PALS1: variants seen among roughly 807,000 people sequenced by gnomAD.
PALS1 encodes protein associated with LIN7 1, MAGUK p55 family member.
In PALS1, 31 loss-of-function variants were observed where a neutral mutation model predicts 78.9. The ratio of observed to expected loss-of-function variants is 0.39; its 90% CI spans 0.30 to 0.53. The LOEUF is 0.53. Ranked by LOEUF, PALS1 falls within the 20% of genes least tolerant of loss-of-function variation. The pLI, the probability that PALS1 is intolerant of heterozygous loss-of-function variation, is 0.67. For missense variants in PALS1, 704 were observed against 826.5 expected, an observed-to-expected ratio of 0.85 and a Z score of 1.82; for synonymous variants, 276 against 270.9, an observed-to-expected ratio of 1.02 and a Z score of -0.18.
In PALS1 at chr14:67,266,417, C is replaced by G. The variant is rs370471402; in HGVS notation, c.-236-3284C>G. 3.2e-4 allele frequency among the ~76,000 whole-genome samples: 49 copies of G among 152,258 alleles called. 1 individual carries two copies. The highest frequency in any genetic ancestry group is 1.8e-3 in the Admixed American group (27 of 15,294). ...CTCAGCTCACTGCAGCCTCTGCCTC[C>G]TGGGTTCAAGGAATTCTCATGCCTC... On this transcript the variant is annotated intron_variant, in intron 1 of 14. Coordinates refer to ENST00000261681, the MANE Select transcript of PALS1 (RefSeq NM_022474.4).
chr14:67,301,886 C>A, intron 5 of PALS1, 86 bp from the exon 6 acceptor site: 2 of 1,363,732 alleles, frequency 1.5e-6, no homozygotes, highest in South Asian at 1.7e-5. Flanking sequence ...ATTTAATGGT[C>A]AGAATACTAT....
intron 1 of PALS1, among the ~76,000 whole-genome samples, chr14:67,258,636 G>T (rs775980176): frequency 8.5e-5 from 13 of 152,068 alleles, no homozygotes; most frequent in African/African-American, 2.9e-4. Flanking sequence ...TGCCCAGGCC[G>T]GTCTTGAACT....
In PALS1 at chr14:67,302,102, C is replaced by T. The variant is rs1339261703; in HGVS notation, c.785C>T (p.Ala262Val). 2.5e-6 allele frequency: 4 copies of T among 1,602,770 alleles called. No individual in the cohort carries two copies. The Admixed American group carries it at 5.2e-5, about 21-fold the overall frequency. Reference protein sequence around the residue: ...ETVKIVRIEKARDIPLGATVR... With the variant: ...ETVKIVRIEKVRDIPLGATVR... ...GTAAAAATAGTTCGTATAGAAAAGG[C>T]TCGTGATATTCCGTTGGTAAGTGTC... is the stretch of plus-strand genomic sequence containing the variant. The change falls in exon 6 of 15, where the codon GCT becomes GTT. Residue 262 changes from alanine to valine, a missense_variant. Ala to Val is a moderately conservative substitution (Grantham distance 64). Transcript: ENST00000261681.
At chr14:67,300,940 C>T (rs2084924281) in intron 4 of PALS1, among the ~76,000 whole-genome samples, 1 of 152,016 alleles carries the variant, frequency 6.6e-6, no homozygotes, top group African/African-American at 2.4e-5. Context: ...AATCCGCTTG[C>T]CTCAGCCTCT....
intron 1 of PALS1, among the ~76,000 whole-genome samples, chr14:67,260,455 G>A (rs1274498073): frequency 6.6e-6 from 1 of 152,186 alleles, no homozygotes; most frequent in Non-Finnish European, 1.5e-5. Context: ...TCAAATATGA[G>A]TTAACAAACT....
In PALS1 at chr14:67,292,519, G is replaced by T; in HGVS notation, c.376G>T (p.Asp126Tyr). ...TTTTCTTCTTCTACTAGAAATAGAA[G>T]ACTTGTTTTCTTCACTTAAACATAT... ...HYAVKILEIE[D>Y]LFSSLKHIQH... The change falls in exon 4 of 15, where the codon GAC (aspartate) becomes TAC (tyrosine). Residue 126 changes from aspartate (D) to tyrosine (Y), a missense_variant. By Grantham distance (160) the Asp-to-Tyr change is radical. Coordinates refer to ENST00000261681, the MANE Select transcript of PALS1 (RefSeq NM_022474.4). The T allele has an allele frequency of 6.2e-7, 1 of 1,606,784 alleles. No individual in the cohort carries two copies. The highest frequency in any genetic ancestry group is 8.5e-7 in the Non-Finnish European group (1 of 1,174,118).
At chr14:67,262,537 C>T (rs1296486529) in intron 1 of PALS1, among the ~76,000 whole-genome samples, 1 of 152,062 alleles carries the variant, frequency 6.6e-6, no homozygotes, top group Non-Finnish European at 1.5e-5. Flanking sequence ...ACTTTTCATT[C>T]CTTCTGCTAC....
intron 4 of PALS1, among the ~76,000 whole-genome samples, chr14:67,294,204 G>A (rs900240924): frequency 1.3e-5 from 2 of 152,038 alleles, no homozygotes; most frequent in Non-Finnish European, 2.9e-5. Flanking sequence ...TTGCTTTCAC[G>A]TCCTTAGAGT....
rs1338152850 is a variant in PALS1, at chr14:67,312,512, CTTT to C, written c.1042-12_1042-10del. 7 of 1,499,774 alleles carry C rather than the reference CTTT, an allele frequency of 4.7e-6. No homozygotes were observed. Among genetic ancestry groups the C allele is most frequent in the Non-Finnish European group, 6.3e-6 (7 of 1,117,946 alleles). 92.9% of individuals were successfully genotyped at this position (1,499,774 alleles called of 1,614,324 possible). On this transcript the variant is annotated splice_polypyrimidine_tract_variant and intron_variant, in intron 8 of 14. Coordinates refer to ENST00000261681, the MANE Select transcript of PALS1 (RefSeq NM_022474.4). ...ATTGCCATTTATTGTTGTTTTTGCCCTTTTTATCTTTTAGATCCATGTAAAAGC... is the reference window on the plus strand; with the variant it reads ...ATTGCCATTTATTGTTGTTTTTGCCCTTATCTTTTAGATCCATGTAAAAGC...
intron 3 of PALS1, among the ~76,000 whole-genome samples, chr14:67,280,869 C>G (rs867325862): frequency 7.4e-6 from 1 of 134,338 alleles, no homozygotes. Flanking sequence ...CCCTCCCTCC[C>G]TCCCTCCCTC....
At chr14:67,267,818 C>G (rs1424011203) in intron 1 of PALS1, among the ~76,000 whole-genome samples, 1 of 152,140 alleles carries the variant, frequency 6.6e-6, no homozygotes, top group Non-Finnish European at 1.5e-5. Flanking sequence ...TTTGCATTTT[C>G]TAGAAATTTT....
chr14:67,243,739 G>T (rs1445532929), intron 1 of PALS1, among the ~76,000 whole-genome samples: 2 of 149,808 alleles, frequency 1.3e-5, no homozygotes, highest in African/African-American at 2.5e-5. Context: ...CTCGTGATCC[G>T]CCCGCCTCGC....
intron 9 of PALS1, among the ~76,000 whole-genome samples, chr14:67,315,328 G>A (rs2085154305): frequency 7.4e-6 from 1 of 134,768 alleles, no homozygotes; most frequent in Admixed American, 8.3e-5. Context: ...CCAGGCTGGA[G>A]TGCAGTGGCA....
At chr14:67,291,499 G>A (rs1270765332) in intron 3 of PALS1, among the ~76,000 whole-genome samples, 1 of 152,062 alleles carries the variant, frequency 6.6e-6, no homozygotes, top group Non-Finnish European at 1.5e-5. Flanking sequence ...TGGCCAGGCT[G>A]GTCTCGAACT....
At chr14:67,323,075 G>A (rs752320991) in intron 13 of PALS1, among the ~76,000 whole-genome samples, 2 of 151,992 alleles carry the variant, frequency 1.3e-5, no homozygotes, top group Non-Finnish European at 2.9e-5. Context: ...TAATCTGTAT[G>A]TGATCTTATT....
chr14:67,302,051 G>A lies in PALS1; in HGVS notation c.734G>A (p.Ser245Asn), dbSNP rs764531201. ...ATTACAGATGAGAGAGTTTATGAAA[G>A]TATTGGCCAGTATGGAGGAGAAACT... ...EPITDERVYE[S>N]IGQYGGETVK... The change falls in exon 6 of 15, where the codon AGT becomes AAT. Residue 245 changes from serine to asparagine, a missense_variant. Transcript: ENST00000261681. The A allele has an allele frequency of 7.4e-5, 119 of 1,609,652 alleles. 1 individual carries two copies. The South Asian group carries it at 1.3e-3, about 18-fold the overall frequency.
At chr14:67,298,427 A>G (rs1245990447) in intron 4 of PALS1, among the ~76,000 whole-genome samples, 1 of 151,866 alleles carries the variant, frequency 6.6e-6, no homozygotes, top group Non-Finnish European at 1.5e-5. Flanking sequence ...AGGCAGGAGA[A>G]TCGCTTGAAC....
intron 14 of PALS1, among the ~76,000 whole-genome samples, chr14:67,329,586 T>C (rs370198585): frequency 3.3e-4 from 50 of 152,178 alleles, no homozygotes; most frequent in African/African-American, 1.2e-3. Flanking sequence ...CCAGTTTTTG[T>C]CCATTCAGTA....
intron 10 of PALS1, 60 bp from the exon 11 acceptor site, chr14:67,317,348 G>C: frequency 1.5e-6 from 2 of 1,370,860 alleles, no homozygotes; most frequent in Admixed American, 4.3e-5. Context: ...TCTTCAATTT[G>C]AGTTATGTGG....
Sources: gnomAD v4.1 joint callset for allele counts (sites outside exome capture counted in the v4.1 genomes callset) on GRCh38, gnomAD v4.1.1 for gene constraint, MANE v1.5 for transcripts, NCBI Gene and HGNC (gene_info 2026-07-23, HGNC 2026-07-21) for gene names.